Variants in ATCAY observed in about 807,000 individuals in gnomAD.
ATCAY encodes ATCAY kinesin light chain interacting caytaxin.
ATCAY carries 22 observed loss-of-function variants against 47.7 expected under a neutral mutation model. The observed-to-expected ratio is 0.46, with a 90% confidence interval of 0.33 to 0.66. The LOEUF (loss-of-function observed/expected upper bound fraction) is 0.66, where lower values mean the gene tolerates loss of function less well. Ranked by LOEUF, ATCAY falls within the 30% of genes least tolerant of loss-of-function variation. The pLI, the probability that ATCAY is intolerant of heterozygous loss-of-function variation, is 0.02. For synonymous variants in ATCAY, 216 were observed against 207.6 expected, an observed-to-expected ratio of 1.04 and a Z score of -0.35; for missense variants, 452 against 515.0, an observed-to-expected ratio of 0.88 and a Z score of 1.18.
chr19:3,917,669 G>A (rs2038978397), intron 9 of ATCAY, 73 bp from the exon 10 acceptor site: 1 of 1,544,464 alleles, frequency 6.5e-7, no homozygotes, highest in South Asian at 1.1e-5. Flanking sequence ...GCTTGAAAAG[G>A]AAAGGGATTT....
intron 1 of ATCAY, among the ~76,000 whole-genome samples, 183 bp from the exon 2 acceptor site, chr19:3,885,544 A>G (rs1356229403): frequency 6.8e-6 from 1 of 146,548 alleles, no homozygotes; most frequent in Non-Finnish European, 1.5e-5. Context: ...ACAGAGCAAG[A>G]CTCCGTCTCA....
In ATCAY at chr19:3,910,837, C is replaced by T; in HGVS notation, c.814C>T (p.His272Tyr). Residue 272 changes from histidine to tyrosine, a missense_variant, in exon 8 of 13, where the codon CAC becomes TAC. Physicochemically the swap from His to Tyr is moderately conservative, Grantham distance 83. Coordinates refer to ENST00000450849, the MANE Select transcript of ATCAY (RefSeq NM_033064.5). Reference protein sequence around the residue: ...RKNLKSLIIVHPSWFIRTVLA... With the variant: ...RKNLKSLIIVYPSWFIRTVLA... ...AAACCTGAAGTCCTTGATCATCGTC[C>T]ACCCCTCGTGGTTCATTCGGACTGT... 2 of 1,614,034 alleles carry T rather than the reference C, an allele frequency of 1.2e-6. No homozygotes were observed. Among genetic ancestry groups the T allele is most frequent in the Non-Finnish European group, 1.7e-6 (2 of 1,179,900 alleles).
At chr19:3,892,524 G>A (rs1287036334) in intron 2 of ATCAY, among the ~76,000 whole-genome samples, 1 of 152,014 alleles carries the variant, frequency 6.6e-6, no homozygotes, top group Non-Finnish European at 1.5e-5. Context: ...TCCAAACTTG[G>A]AAAAAAATTA....
chr19:3,902,644 A>C, intron 3 of ATCAY, 99 bp downstream of exon 3: 2 of 1,303,582 alleles, frequency 1.5e-6, no homozygotes, highest in Non-Finnish European at 2.1e-6. Flanking sequence ...GAGGCCACAC[A>C]CCGTGGGTAG....
At chr19:3,902,305 C>G (rs982069913) in intron 2 of ATCAY, among the ~76,000 whole-genome samples, 182 bp from the exon 3 acceptor site, 1 of 152,172 alleles carries the variant, frequency 6.6e-6, no homozygotes, top group Non-Finnish European at 1.5e-5. Flanking sequence ...CTGGGCGATA[C>G]AGTGAGGCTC....
rs899547902 is a variant in ATCAY, at chr19:3,926,043, T to G, written c.*1451T>G. Reference sequence around the variant, plus strand: ...AAAATAATCAGGGCACAGTGGCTCATGCCTGTAATCCCAGCACTCTGGGAG... The same window carrying G: ...AAAATAATCAGGGCACAGTGGCTCAGGCCTGTAATCCCAGCACTCTGGGAG... On this transcript the variant is annotated 3_prime_UTR_variant, in exon 13 of 13. Transcript: ENST00000450849. The G allele has an allele frequency of 6.6e-6, 1 of 151,014 alleles. No homozygotes were observed. Among genetic ancestry groups the G allele is most frequent in the Non-Finnish European group, 1.5e-5 (1 of 67,940 alleles). 9.4% of individuals were successfully genotyped at this position (151,014 alleles called of 1,614,324 possible). A position where few individuals can be genotyped will look rare whatever the true frequency, so the allele number is the denominator to read the frequency against.
rs577932987 is a variant in ATCAY, at chr19:3,886,544, C to G, written c.77+700C>G. Among the ~76,000 whole-genome samples, 658 of 149,560 alleles carry G rather than the reference C, an allele frequency of 4.4e-3. 5 individuals are homozygous for G. Among genetic ancestry groups the G allele is most frequent in the Admixed American group, 0.01 (153 of 14,952 alleles). ...GGCGGAGCTTGCAGTGAGCCGAGAT[C>G]GCGCCACTGCACTCCAGCCTGGGCG... On this transcript the variant is annotated intron_variant, in intron 2 of 12. Coordinates refer to ENST00000450849, the MANE Select transcript of ATCAY (RefSeq NM_033064.5).
At chr19:3,910,957 G>A in intron 8 of ATCAY, 68 bp downstream of exon 8, 1 of 1,525,266 alleles carries the variant, frequency 6.6e-7, no homozygotes, top group Non-Finnish European at 9.1e-7. Context: ...GTGTATGCAT[G>A]CATTTGTGTG....
At chr19:3,898,631 G>A (rs1394431160) in intron 2 of ATCAY, among the ~76,000 whole-genome samples, 1 of 152,178 alleles carries the variant, frequency 6.6e-6, no homozygotes, top group African/African-American at 2.4e-5. Flanking sequence ...TCCATTGAAT[G>A]GATATACCAC....
intron 4 of ATCAY, among the ~76,000 whole-genome samples, chr19:3,905,982 C>A (rs1460524001): frequency 2.0e-5 from 3 of 151,964 alleles, no homozygotes; most frequent in African/African-American, 7.2e-5. Context: ...ACCATCCTGG[C>A]TGACACAGTG....
intron 9 of ATCAY, among the ~76,000 whole-genome samples, chr19:3,916,638 C>A (rs902444617): frequency 6.6e-6 from 1 of 152,038 alleles, no homozygotes; most frequent in African/African-American, 2.4e-5. Context: ...GGACTACAGG[C>A]GCCCACCACC....
chr19:3,917,681 C>G, intron 9 of ATCAY, 61 bp from the exon 10 acceptor site: 2 of 1,598,650 alleles, frequency 1.3e-6, no homozygotes, highest in South Asian at 2.2e-5. Context: ...AAGGGATTTC[C>G]CCAAAAAGTA....
At chr19:3,891,601 C>T (rs2038719834) in intron 2 of ATCAY, among the ~76,000 whole-genome samples, 1 of 151,456 alleles carries the variant, frequency 6.6e-6, no homozygotes, top group Admixed American at 6.6e-5. Flanking sequence ...AGGGATGAGC[C>T]GGGGAAGGAA....
chr19:3,882,465 C>A (rs2038610573), intron 1 of ATCAY, among the ~76,000 whole-genome samples: 1 of 151,344 alleles, frequency 6.6e-6, no homozygotes, highest in Non-Finnish European at 1.5e-5. Context: ...CTTCAGGCAC[C>A]AGGCACCCAT....
chr19:3,916,250 T>C lies in ATCAY; in HGVS notation c.966-1492T>C, dbSNP rs144798776. Reference sequence around the variant, plus strand: ...GTCCTTCCTTTTCATGGCTGAATAATATTCCATTGCGTGAATGGACCACAT... The same window carrying C: ...GTCCTTCCTTTTCATGGCTGAATAACATTCCATTGCGTGAATGGACCACAT... On this transcript the variant is annotated intron_variant, in intron 9 of 12. Coordinates refer to ENST00000450849, the MANE Select transcript of ATCAY (RefSeq NM_033064.5). 2.3e-3 allele frequency among the ~76,000 whole-genome samples: 343 copies of C among 152,322 alleles called. 2 individuals carry two copies. The highest frequency in any genetic ancestry group is 5.3e-3 in the African/African-American group (221 of 41,584).
At chr19:3,906,184 AAGAG>A (rs531580915) in intron 4 of ATCAY, among the ~76,000 whole-genome samples, 4 of 148,430 alleles carry the variant, frequency 2.7e-5, no homozygotes, top group South Asian at 2.1e-4. Context: ...AAAAAAAAAA[AAGAG>A]AGAGAGAGGT....
rs2039060763 is a variant in ATCAY at position 3,925,680 on chromosome 19, A to G, written c.*1088A>G. On this transcript the variant is annotated 3_prime_UTR_variant, in exon 13 of 13. Transcript: ENST00000450849. This position sits in a 1 kb window ranked among gnomAD's most constrained non-coding sequence, Gnocchi z 4.4. ...GCGGATCACTGGTCAGATGGACTCTAGAAGCACTGAGCTCCCTGTCTCTGG... is the reference window on the plus strand; with the variant it reads ...GCGGATCACTGGTCAGATGGACTCTGGAAGCACTGAGCTCCCTGTCTCTGG... 1 of 152,240 alleles carries G rather than the reference A, an allele frequency of 6.6e-6. No individual in the cohort carries two copies. Among genetic ancestry groups the G allele is most frequent in the African/African-American group, 2.4e-5 (1 of 41,464 alleles). The allele number at this position is 152,240 out of a possible 1,614,324, so 9.4% of individuals were successfully genotyped here.
intron 1 of ATCAY, among the ~76,000 whole-genome samples, chr19:3,884,796 T>C (rs1026583839): frequency 6.6e-6 from 1 of 152,048 alleles, no homozygotes; most frequent in African/African-American, 2.4e-5. Context: ...GGCTCGGTGA[T>C]GGTTCAATAA....
intron 2 of ATCAY, chr19:3,893,449 A>T (rs985827185): frequency 6.6e-6 from 1 of 152,376 alleles, no homozygotes; most frequent in African/African-American, 2.4e-5. Context: ...AAGTGCTGGG[A>T]TTACAGGTGT....
Sources: allele counts gnomAD v4.1 joint callset (sites outside exome capture counted in the v4.1 genomes callset), GRCh38; gene constraint gnomAD v4.1.1; non-coding constraint Gnocchi (gnomAD v3.1); transcripts MANE v1.5; gene names NCBI Gene and HGNC (gene_info 2026-07-23, HGNC 2026-07-21).